DPP6: variants seen among roughly 807,000 people sequenced by gnomAD.
The protein encoded by DPP6 is A-type potassium channel modulatory protein DPP6.
A neutral mutation model predicts 122.6 loss-of-function variants in DPP6; 69 were observed. The ratio of observed to expected loss-of-function variants is 0.56; its 90% confidence interval spans 0.46 to 0.69. The LOEUF (loss-of-function observed/expected upper bound fraction) is 0.69. DPP6 is among the 30% of genes least tolerant of loss of function. DPP6 has a pLI of 0.00. For synonymous variants in DPP6, 418 were observed against 433.1 expected (o/e 0.97, Z 0.43); for missense variants, 928 against 1,116.9 (o/e 0.83, Z 2.41).
chr7:154,098,966 A>G (rs1235987147), intron 1 of DPP6, among the ~76,000 whole-genome samples: 5 of 152,236 alleles, frequency 3.3e-5, no homozygotes, highest in Non-Finnish European at 4.4e-5. Context: ...ACAGGCAGAA[A>G]CTAAAGAGCC....
At chr7:154,236,399 C>T (rs1801214612) in intron 1 of DPP6, among the ~76,000 whole-genome samples, 1 of 152,100 alleles carries the variant, frequency 6.6e-6, no homozygotes. Context: ...TATTACGAAC[C>T]TAAATGGCCA....
intron 1 of DPP6, among the ~76,000 whole-genome samples, chr7:153,949,990 C>T (rs1802132297): frequency 6.6e-6 from 1 of 152,172 alleles, no homozygotes; most frequent in African/African-American, 2.4e-5. Flanking sequence ...TAATGTTTTC[C>T]TAGCTTGAGT....
intron 1 of DPP6, among the ~76,000 whole-genome samples, chr7:154,005,375 G>A (rs1256782277): frequency 6.6e-6 from 1 of 152,102 alleles, no homozygotes; most frequent in East Asian, 1.9e-4. Context: ...CACTAGTGCT[G>A]TTGGGAGCTC....
chr7:154,329,402 C>T (rs552217833), intron 1 of DPP6, among the ~76,000 whole-genome samples: 9 of 152,276 alleles, frequency 5.9e-5, no homozygotes, highest in Middle Eastern at 3.4e-3. Flanking sequence ...TCTTCTTTTG[C>T]GAAGTGTCTG....
chr7:153,851,005 T>C, the DPP6 span, among the ~76,000 whole-genome samples: 1 of 152,200 alleles, frequency 6.6e-6, no homozygotes, highest in African/African-American at 2.4e-5. Flanking sequence ...CAGATATCAT[T>C]TTTTTCCTGT....
chr7:153,807,428 C>CA, the DPP6 span, among the ~76,000 whole-genome samples: 4,567 of 137,304 alleles, frequency 0.033, 253 homozygotes, highest in African/African-American at 0.11. Flanking sequence ...AACAAACAAA[C>CA]AAAAAAAAAA....
At chr7:154,798,532 G>A (rs553720524) in intron 12 of DPP6, among the ~76,000 whole-genome samples, 65 of 152,374 alleles carry the variant, frequency 4.3e-4, no homozygotes, top group African/African-American at 1.2e-3. Context: ...TTAAACGTAT[G>A]CAATGCTGCC....
intron 7 of DPP6, among the ~76,000 whole-genome samples, chr7:154,677,343 C>G (rs1838976546): frequency 6.6e-6 from 1 of 152,114 alleles, no homozygotes; most frequent in South Asian, 2.1e-4. Context: ...TGTCTTGACA[C>G]TTTTTTCTAT....
At chr7:154,357,349 C>A (rs1228353681) in intron 1 of DPP6, among the ~76,000 whole-genome samples, 1 of 150,388 alleles carries the variant, frequency 6.6e-6, no homozygotes, top group Non-Finnish European at 1.5e-5. Flanking sequence ...TAAATTACAG[C>A]ACTTTGCTGT....
intron 4 of DPP6, among the ~76,000 whole-genome samples, chr7:154,562,734 A>G (rs1830501187): frequency 6.6e-6 from 1 of 152,220 alleles, no homozygotes; most frequent in Admixed American, 6.5e-5. Context: ...AATTACATGT[A>G]TCAATGCTAC....
At chr7:154,054,016 G>A (rs1362531445) in intron 1 of DPP6, among the ~76,000 whole-genome samples, 2 of 147,654 alleles carry the variant, frequency 1.4e-5, no homozygotes, top group Non-Finnish European at 3.0e-5. Flanking sequence ...AGGGAAAAGA[G>A]AAAAATCCCC....
At chr7:153,816,771 C>A in the DPP6 span, among the ~76,000 whole-genome samples, 1 of 151,900 alleles carries the variant, frequency 6.6e-6, no homozygotes, top group Non-Finnish European at 1.5e-5. Flanking sequence ...TGCACTCACT[C>A]CCCTAACACC....
At chr7:154,691,037 T>A (rs1047692115) in intron 7 of DPP6, among the ~76,000 whole-genome samples, 2 of 152,232 alleles carry the variant, frequency 1.3e-5, no homozygotes, top group Admixed American at 6.5e-5. Flanking sequence ...GGAAAAGGTT[T>A]CCCTCTTAGG....
At chr7:154,278,414 C>A (rs1307240492) in intron 1 of DPP6, among the ~76,000 whole-genome samples, 2 of 152,222 alleles carry the variant, frequency 1.3e-5, no homozygotes, top group Non-Finnish European at 2.9e-5. Context: ...GAAGGAAACT[C>A]AGGCAGGAAC....
chr7:154,664,058 T>C (rs1158818787), intron 6 of DPP6, among the ~76,000 whole-genome samples: 2 of 106,202 alleles, frequency 1.9e-5, no homozygotes, highest in African/African-American at 2.7e-5. Flanking sequence ...TCGGCCGTAG[T>C]GTTCATATAG....
intron 1 of DPP6, among the ~76,000 whole-genome samples, chr7:154,318,148 G>C (rs545519799): frequency 2.9e-4 from 44 of 152,264 alleles, no homozygotes; most frequent in African/African-American, 1.1e-3. Context: ...TTTTGTATAA[G>C]CTTTACCCTG....
intron 1 of DPP6, among the ~76,000 whole-genome samples, chr7:154,232,018 C>T (rs1042588613): frequency 6.6e-6 from 1 of 152,184 alleles, no homozygotes; most frequent in African/African-American, 2.4e-5. Context: ...TACCCTCAAA[C>T]AGCCTCGTGT....
intron 10 of DPP6, among the ~76,000 whole-genome samples, chr7:154,776,096 C>T (rs961431561): frequency 6.6e-6 from 1 of 151,682 alleles, no homozygotes; most frequent in Non-Finnish European, 1.5e-5. Context: ...CTTTAAATGA[C>T]ATCAGGCCAC....
upstream of DPP6, among the ~76,000 whole-genome samples, chr7:153,884,987 A>AATATATATATATATAT (rs56329841): frequency 3.2e-4 from 37 of 116,432 alleles, no homozygotes; most frequent in African/African-American, 8.6e-4. Flanking sequence ...TCAAAACAAA[A>AATATATATATATATAT]ATATATATAT....
Sources: allele counts gnomAD v4.1 joint callset (sites outside exome capture counted in the v4.1 genomes callset), GRCh38; gene constraint gnomAD v4.1.1; transcripts MANE v1.5; gene names NCBI Gene and HGNC (gene_info 2026-07-23, HGNC 2026-07-21).